The following CALB1 variants were observed in gnomAD, a reference collection of about 807,000 sequenced individuals.
CALB1 encodes calbindin 1.
In CALB1, 16 loss-of-function variants were observed where a neutral mutation model predicts 46.7. That is an observed-to-expected ratio of 0.34 (90% confidence interval 0.23 to 0.52). The LOEUF (loss-of-function observed/expected upper bound fraction) is 0.52. Among genes scored for constraint, CALB1 ranks in the 20% least tolerant of loss-of-function variants. The pLI, the probability that CALB1 is intolerant of heterozygous loss-of-function variation, is 0.95. For synonymous variants in CALB1, 90 were observed against 112.8 expected (o/e 0.80, Z 1.28); for missense variants, 224 against 300.3 (o/e 0.75, Z 1.88).
At chr8:90,078,653 T>C (rs966215682) in intron 2 of CALB1, among the ~76,000 whole-genome samples, 8 of 152,060 alleles carry the variant, frequency 5.3e-5, no homozygotes, top group Non-Finnish European at 1.0e-4. Context: ...ATCATGATTA[T>C]TTCTCAATTA....
chr8:90,081,059 A>G (rs1287745225), intron 2 of CALB1, among the ~76,000 whole-genome samples: 1 of 151,988 alleles, frequency 6.6e-6, no homozygotes, highest in Non-Finnish European at 1.5e-5. Flanking sequence ...TTTTTAACCC[A>G]TTTTCCTCTG....
At chr8:90,081,532 G>C in intron 2 of CALB1, 2 of 848,464 alleles carry the variant, frequency 2.4e-6, no homozygotes, top group Non-Finnish European at 2.8e-6. Context: ...GACCACCAAG[G>C]GGCAGAAATG....
At chr8:90,060,389 C>T (rs541069911) in intron 10 of CALB1, 103 bp from the exon 11 acceptor site, 49 of 777,376 alleles carry the variant, frequency 6.3e-5, no homozygotes, top group African/African-American at 4.7e-4. Flanking sequence ...TACATCAATC[C>T]ATTAACAAAA....
intron 2 of CALB1, among the ~76,000 whole-genome samples, chr8:90,080,243 A>C (rs573959322): frequency 6.6e-6 from 1 of 152,086 alleles, no homozygotes; most frequent in South Asian, 2.1e-4. Flanking sequence ...AGAGAAAAAT[A>C]ATTAAATTCT....
chr8:90,072,311 A>G (rs1480532425), intron 3 of CALB1, among the ~76,000 whole-genome samples: 1 of 152,254 alleles, frequency 6.6e-6, no homozygotes, highest in Non-Finnish European at 1.5e-5. Flanking sequence ...ATACAGAGAT[A>G]GTAAAAATGC....
At chr8:90,079,507 G>A (rs1814685763) in intron 2 of CALB1, among the ~76,000 whole-genome samples, 1 of 151,830 alleles carries the variant, frequency 6.6e-6, no homozygotes, top group African/African-American at 2.4e-5. Context: ...TGGCAATAGT[G>A]GGAATATCAG....
intron 3 of CALB1, 45 bp downstream of exon 3, chr8:90,078,328 A>G (rs1298188364): frequency 3.3e-6 from 4 of 1,207,962 alleles, no homozygotes; most frequent in African/African-American, 1.5e-5. Context: ...CAAAATTGAA[A>G]CTCATTTATT....
Position 90,060,300 on chromosome 8 carries a change from A to G in CALB1, c.673-14T>C, listed in dbSNP as rs1814273246. 6.9e-7 allele frequency: 1 copy of G among 1,457,224 alleles called. No homozygotes were observed. Among genetic ancestry groups the G allele is most frequent in the African/African-American group, 1.4e-5 (1 of 72,000 alleles). The allele number at this position is 1,457,224 out of a possible 1,614,324, so 90.3% of individuals were successfully genotyped here. On this transcript the variant is annotated splice_polypyrimidine_tract_variant and intron_variant, in intron 10 of 10. Transcript: ENST00000265431. ...AATATCCAGATCCTGTACAGAATAT[A>G]AATGGCATTGTAATCCAGTTAAATA...
intron 5 of CALB1, among the ~76,000 whole-genome samples, chr8:90,068,375 G>C (rs1814437455): frequency 6.6e-6 from 1 of 152,236 alleles, no homozygotes; most frequent in Non-Finnish European, 1.5e-5. Flanking sequence ...TTTTTCAAAA[G>C]TTTAATTTTA....
rs1814758545 is a variant in CALB1, at chr8:90,082,849, C to T, written c.-152G>A. The T allele has an allele frequency of 1.1e-5, 8 of 700,140 alleles. No individual in the cohort carries two copies. Among genetic ancestry groups the T allele is most frequent in the Admixed American group, 1.1e-4 (5 of 45,934 alleles). The allele number at this position is 700,140 out of a possible 1,614,324, so 43.4% of individuals were successfully genotyped here. A position where few individuals can be genotyped will look rare whatever the true frequency, so the allele number is the denominator to read the frequency against. ...GCCGGGCGCTGTCCTCGGTGCTGCTCAGCTCAGCGTTCCTCCAGAGTTCTC... is the reference window on the plus strand; with the variant it reads ...GCCGGGCGCTGTCCTCGGTGCTGCTTAGCTCAGCGTTCCTCCAGAGTTCTC... On this transcript the variant is annotated 5_prime_UTR_variant, in exon 1 of 11. Coordinates refer to ENST00000265431, the MANE Select transcript of CALB1 (RefSeq NM_004929.4).
chr8:90,061,215 G>T (rs1814290756), intron 9 of CALB1: 1 of 152,470 alleles, frequency 6.6e-6, no homozygotes, highest in Non-Finnish European at 1.5e-5. Context: ...AAGAAATTGA[G>T]GCTCACATGA....
intron 3 of CALB1, among the ~76,000 whole-genome samples, chr8:90,071,757 A>G (rs1814521904): frequency 6.6e-6 from 1 of 152,156 alleles, no homozygotes; most frequent in African/African-American, 2.4e-5. Context: ...GTCTAGCCAC[A>G]TTTTATTATG....
Position 90,060,262 on chromosome 8 carries a change from T to C in CALB1, c.697A>G (p.Thr233Ala). 1 of 1,606,062 alleles carries C rather than the reference T, an allele frequency of 6.2e-7. No individual in the cohort carries two copies. The change falls in exon 11 of 11, where the codon ACA (threonine) becomes GCA (alanine). Residue 233 changes from threonine (T) to alanine (A), a missense_variant. Thr to Ala is a moderately conservative substitution (Grantham distance 58). Transcript: ENST00000265431. ...AAAGCCATTATGTTCTTCTTGTATG[T>C]TGTAATATTATTAATATCCAGATCC... The part of the protein sequence containing the change: ...KQDLDINNIT[T>A]YKKNIMALSD...
At chr8:90,066,310 A>G (rs532342535) in intron 5 of CALB1, among the ~76,000 whole-genome samples, 1 of 152,042 alleles carries the variant, frequency 6.6e-6, no homozygotes, top group Non-Finnish European at 1.5e-5. Flanking sequence ...ATTTCTTCTT[A>G]CTGATATCTT....
intron 3 of CALB1, among the ~76,000 whole-genome samples, chr8:90,069,626 C>T (rs535303184): frequency 6.6e-6 from 1 of 152,206 alleles, no homozygotes; most frequent in East Asian, 1.9e-4. Flanking sequence ...CACAGAAAGG[C>T]ACATGTGGGG....
At chr8:90,070,524 A>T (rs1222905964) in intron 3 of CALB1, among the ~76,000 whole-genome samples, 2 of 152,178 alleles carry the variant, frequency 1.3e-5, no homozygotes, top group African/African-American at 4.8e-5. Flanking sequence ...CAAGGAATCT[A>T]ATTTTTCTTA....
At chr8:90,081,715 T>C (rs1814734816) in intron 2 of CALB1, among the ~76,000 whole-genome samples, 1 of 152,148 alleles carries the variant, frequency 6.6e-6, no homozygotes, top group African/African-American at 2.4e-5. Context: ...AGCTCCAGTT[T>C]CAGATAGCAA....
rs1247609052 is a variant in CALB1 at position 90,058,835 on chromosome 8, GA to G, written c.*1337del. 12 of 152,144 alleles carry G rather than the reference GA, an allele frequency of 7.9e-5. No individual in the cohort carries two copies. Among genetic ancestry groups the G allele is most frequent in the Non-Finnish European group, 1.8e-4 (12 of 68,034 alleles). The allele number at this position is 152,144 out of a possible 1,614,324, so 9.4% of individuals were successfully genotyped here. A position where few individuals can be genotyped will look rare whatever the true frequency, so the allele number is the denominator to read the frequency against. On this transcript the variant is annotated 3_prime_UTR_variant, in exon 11 of 11. Transcript: ENST00000265431. ...ATAAGTGTTGAATTTATAGAATGGG[GA>G]CATTCAAGCTGACCCAGAACGATCA...
chr8:90,062,991 T>C, intron 9 of CALB1, 109 bp downstream of exon 9: 3 of 682,806 alleles, frequency 4.4e-6, no homozygotes, highest in Non-Finnish European at 7.5e-6. Flanking sequence ...CTGTCAAGAT[T>C]GTCTCTATAG....
Sources: allele counts gnomAD v4.1 joint callset (sites outside exome capture counted in the v4.1 genomes callset), GRCh38; gene constraint gnomAD v4.1.1; transcripts MANE v1.5; gene names NCBI Gene and HGNC (gene_info 2026-07-23, HGNC 2026-07-21).